The following PTPN9 variants were observed in gnomAD, a reference collection of about 807,000 sequenced individuals.
PTPN9 encodes protein tyrosine phosphatase non-receptor type 9, also known as tyrosine-protein phosphatase non-receptor type 9.
In PTPN9, 26 loss-of-function variants were observed where a neutral mutation model predicts 69.8. That is an observed-to-expected ratio of 0.37 (90% CI 0.27 to 0.52). PTPN9 has a LOEUF of 0.52. PTPN9 is among the 20% of genes least tolerant of loss of function. PTPN9 has a pLI of 0.91. For synonymous variants in PTPN9, 274 were observed against 272.5 expected, an observed-to-expected ratio of 1.01 and a Z score of -0.05; for missense variants, 549 against 740.3, an observed-to-expected ratio of 0.74 and a Z score of 3.00.
At position 75,480,854 on chromosome 15, in the gene PTPN9, C is replaced by T. The variant is rs2074628161; in HGVS notation, c.1063-940G>A. 3 of 299,232 alleles carry T rather than the reference C, an allele frequency of 1.0e-5. No individual in the cohort carries two copies. In the East Asian group the frequency reaches 1.7e-4, roughly 17 times the overall value. The allele number at this position is 299,232 out of a possible 1,614,324, so 18.5% of individuals were successfully genotyped here. ...AAGGAGCAGCCGCCTGCCTTGGCCT[C>T]CCAAAGTGCCGAGATTGCAGCCTCT... On this transcript the variant is annotated intron_variant, in intron 8 of 12. Coordinates refer to ENST00000618819, the MANE Select transcript of PTPN9 (RefSeq NM_002833.4).
intron 1 of PTPN9, among the ~76,000 whole-genome samples, chr15:75,538,258 A>G (rs566943778): frequency 9.8e-5 from 15 of 152,304 alleles, no homozygotes; most frequent in South Asian, 2.1e-4. Context: ...ACTGCGTAAA[A>G]TCCATCACAC....
At chr15:75,560,964 A>G (rs1381332956) in intron 1 of PTPN9, among the ~76,000 whole-genome samples, 1 of 151,664 alleles carries the variant, frequency 6.6e-6, no homozygotes, top group African/African-American at 2.4e-5. Context: ...GGTTGCAGTG[A>G]GCTGAGATCA....
At chr15:75,480,136 G>A (rs1241428728) in intron 8 of PTPN9, among the ~76,000 whole-genome samples, 1 of 151,960 alleles carries the variant, frequency 6.6e-6, no homozygotes, top group African/African-American at 2.4e-5. Flanking sequence ...TCCTCACACT[G>A]TAAAACTGAC....
At chr15:75,503,613 C>T (rs2074789939) in intron 7 of PTPN9, among the ~76,000 whole-genome samples, 1 of 144,876 alleles carries the variant, frequency 6.9e-6, no homozygotes, top group Admixed American at 6.7e-5. Flanking sequence ...AGCCCCCCGC[C>T]CGGCCAGCCG....
At chr15:75,480,397 G>T (rs2141291933) in intron 8 of PTPN9, among the ~76,000 whole-genome samples, 1 of 152,290 alleles carries the variant, frequency 6.6e-6, no homozygotes, top group Middle Eastern at 3.4e-3. Flanking sequence ...GAGGTCAGGA[G>T]ATCGAGACCA....
At chr15:75,578,597 A>C in intron 1 of PTPN9, 117 bp downstream of exon 1, 1 of 846,220 alleles carries the variant, frequency 1.2e-6, no homozygotes, top group South Asian at 4.2e-5. Flanking sequence ...CGAGCCGGGC[A>C]CGGGAGCGGG....
chr15:75,489,044 G>A (rs778709013), intron 8 of PTPN9, among the ~76,000 whole-genome samples: 7 of 151,576 alleles, frequency 4.6e-5, no homozygotes, highest in Non-Finnish European at 7.4e-5. Context: ...GCGTGGTGGT[G>A]GGCACCTGTA....
chr15:75,521,794 G>C (rs2074906355), intron 4 of PTPN9, among the ~76,000 whole-genome samples: 1 of 152,198 alleles, frequency 6.6e-6, no homozygotes, highest in Non-Finnish European at 1.5e-5. Flanking sequence ...TCACTTTGAA[G>C]AAGACGGATG....
At chr15:75,564,352 C>A (rs2075117546) in intron 1 of PTPN9, among the ~76,000 whole-genome samples, 1 of 151,888 alleles carries the variant, frequency 6.6e-6, no homozygotes, top group African/African-American at 2.4e-5. Flanking sequence ...CCCAGCACTT[C>A]TGGAGGCTGA....
At chr15:75,469,036 C>A in intron 12 of PTPN9, 53 bp from the exon 13 acceptor site, 1 of 1,470,096 alleles carries the variant, frequency 6.8e-7, no homozygotes, top group South Asian at 1.2e-5. Context: ...CTCTTCCTCC[C>A]TCTACCAAAT....
chr15:75,501,671 T>C (rs1462844867), intron 7 of PTPN9, among the ~76,000 whole-genome samples: 4 of 151,974 alleles, frequency 2.6e-5, no homozygotes, highest in African/African-American at 9.7e-5. Flanking sequence ...CTGCTCAGGT[T>C]AGTCTCAAAC....
chr15:75,567,607 G>GA (rs2075131777), intron 1 of PTPN9, among the ~76,000 whole-genome samples: 1 of 152,094 alleles, frequency 6.6e-6, no homozygotes, highest in Admixed American at 6.6e-5. Flanking sequence ...TACCTACACT[G>GA]AAAAAAGTGA....
intron 1 of PTPN9, among the ~76,000 whole-genome samples, chr15:75,537,443 TAAA>T (rs71140168): frequency 5.9e-4 from 12 of 20,346 alleles, no homozygotes; most frequent in Non-Finnish European, 9.3e-4. Context: ...ATATCTTCCC[TAAA>T]AAAAAAAAAA....
At chr15:75,562,333 C>A (rs983392958) in intron 1 of PTPN9, among the ~76,000 whole-genome samples, 1 of 152,156 alleles carries the variant, frequency 6.6e-6, no homozygotes, top group African/African-American at 2.4e-5. Flanking sequence ...GTAGCCACAC[C>A]TCTACAGGGA....
chr15:75,550,417 T>C (rs987475844), intron 1 of PTPN9, among the ~76,000 whole-genome samples: 6 of 150,400 alleles, frequency 4.0e-5, no homozygotes, highest in Non-Finnish European at 7.4e-5. Context: ...CCACCTGCCT[T>C]GGCCTCCCAA....
chr15:75,563,380 G>C lies in PTPN9; in HGVS notation c.63+15334C>G, dbSNP rs1476700075. On this transcript the variant is annotated intron_variant, in intron 1 of 12. Transcript: ENST00000618819. ...ACTTTGGTATTTTTAGTAGAGAAAGGGTTTTGCATCTTAGCCAGGTTAGTC... is the reference window on the plus strand; with the variant it reads ...ACTTTGGTATTTTTAGTAGAGAAAGCGTTTTGCATCTTAGCCAGGTTAGTC... Among the ~76,000 whole-genome samples, 5 of 152,058 alleles carry C rather than the reference G, an allele frequency of 3.3e-5. No homozygotes were observed. The East Asian group carries it at 9.6e-4, about 29-fold the overall frequency.
intron 1 of PTPN9, among the ~76,000 whole-genome samples, chr15:75,576,059 G>A (rs939185417): frequency 8.0e-5 from 12 of 149,196 alleles, no homozygotes; most frequent in African/African-American, 2.7e-4. Context: ...GTGAAACCCC[G>A]TCTCTAGTAA....
chr15:75,486,979 G>A (rs567615546), intron 8 of PTPN9, among the ~76,000 whole-genome samples: 27 of 151,968 alleles, frequency 1.8e-4, no homozygotes, highest in African/African-American at 6.0e-4. Flanking sequence ...TAGAGACGGG[G>A]TTTCACCGTG....
At chr15:75,523,951 G>C (rs1178570605) in intron 3 of PTPN9, among the ~76,000 whole-genome samples, 2 of 152,100 alleles carry the variant, frequency 1.3e-5, no homozygotes, top group South Asian at 4.1e-4. Flanking sequence ...TAGGAACAAA[G>C]TCCAAACAGG....
Sources: allele counts gnomAD v4.1 joint callset (sites outside exome capture counted in the v4.1 genomes callset), GRCh38; gene constraint gnomAD v4.1.1; transcripts MANE v1.5; gene names NCBI Gene and HGNC (gene_info 2026-07-23, HGNC 2026-07-21).